The following KIAA1549 variants were observed in gnomAD, a reference collection of about 807,000 sequenced individuals.
KIAA1549 encodes UPF0606 protein KIAA1549.
Under a neutral mutation model 156.4 loss-of-function variants are expected in KIAA1549, and 70 were observed. That is an observed-to-expected ratio of 0.45 (90% CI 0.37 to 0.55). The LOEUF is 0.55. KIAA1549 is among the 20% of genes least tolerant of loss of function. The pLI is 0.00. For missense variants in KIAA1549, 2,428 were observed against 2,540.9 expected (o/e 0.96, Z 0.96); for synonymous variants, 1,103 against 1,066.4 (o/e 1.03, Z -0.67).
chr7:138,934,016 T>C (rs185837965), intron 1 of KIAA1549, among the ~76,000 whole-genome samples: 216 of 152,184 alleles, frequency 1.4e-3, no homozygotes, highest in African/African-American at 5.0e-3. Context: ...AAAATAAAAA[T>C]AACTCAGGTT....
At chr7:138,927,890 G>C (rs1402762061) in intron 1 of KIAA1549, among the ~76,000 whole-genome samples, 3 of 151,812 alleles carry the variant, frequency 2.0e-5, no homozygotes, top group African/African-American at 7.3e-5. Context: ...AATATCTGCG[G>C]GCCACTCATG....
Position 138,837,619 on chromosome 7 carries a change from T to G in KIAA1549, c.*287A>C. 1 of 535,310 alleles carries G rather than the reference T, an allele frequency of 1.9e-6. No homozygotes were observed. 33.2% of individuals were successfully genotyped at this position (535,310 alleles called of 1,614,324 possible). Reference sequence around the variant, plus strand: ...TTTAAAAAAGAGACGAATGCAGTCATTTTGTTAGCTTAGGTTTGTGTTTTG... The same window carrying G: ...TTTAAAAAAGAGACGAATGCAGTCAGTTTGTTAGCTTAGGTTTGTGTTTTG... On this transcript the variant is annotated 3_prime_UTR_variant, in exon 20 of 20. Coordinates refer to ENST00000422774, the MANE Select transcript of KIAA1549 (RefSeq NM_001164665.2).
rs753589792 is a variant in KIAA1549 at position 138,881,504 on chromosome 7, A to C, written c.4113T>G (p.Ile1371Met). The change falls in exon 11 of 20, where the codon ATT becomes ATG. Residue 1371 changes from isoleucine (I) to methionine (M), a missense_variant. By Grantham distance (10) the Ile-to-Met change is conservative. This residue lies in a region of KIAA1549 where 762 missense variants were observed against 901.6 expected (regional missense o/e 0.85). Coordinates refer to ENST00000422774, the MANE Select transcript of KIAA1549 (RefSeq NM_001164665.2). ...GQHNKDDILI[I>M]HEPAPLPGPL... Reference sequence around the variant, plus strand: ...GTCCTGGCAGTGGCGCTGGCTCATGAATAATCAATATGTCGTCTTTATTGT... The same window carrying C: ...GTCCTGGCAGTGGCGCTGGCTCATGCATAATCAATATGTCGTCTTTATTGT... 1 of 1,614,040 alleles carries C rather than the reference A, an allele frequency of 6.2e-7. No homozygotes were observed. Among genetic ancestry groups the C allele is most frequent in the African/African-American group, 1.3e-5 (1 of 75,072 alleles).
At chr7:138,968,949 G>T (rs887333915) in intron 1 of KIAA1549, among the ~76,000 whole-genome samples, 2 of 150,522 alleles carry the variant, frequency 1.3e-5, no homozygotes, top group African/African-American at 2.4e-5. Flanking sequence ...CTTTATTTTA[G>T]GTTTGGGGTG....
Position 138,917,989 on chromosome 7 carries a change from G to A in KIAA1549, c.1637C>T (p.Thr546Ile). The A allele has an allele frequency of 6.3e-6, 10 of 1,597,906 alleles. No homozygotes were observed. The highest frequency in any genetic ancestry group is 8.5e-6 in the Non-Finnish European group (10 of 1,172,204). The stretch of plus-strand genomic sequence containing the variant: ...GGTCACGCTGGATGGCGTCACTTGG[G>A]TTTCAGCAACAGACAAGGAGCCAGC... ...PTAGSLSVAETQVTPSSVTTA... is the reference protein window; with the variant it reads ...PTAGSLSVAEIQVTPSSVTTA... The change falls in exon 2 of 20, where the codon ACC becomes ATC. Residue 546 changes from threonine (T) to isoleucine (I), a missense_variant. Coordinates refer to ENST00000422774, the MANE Select transcript of KIAA1549 (RefSeq NM_001164665.2).
At chr7:138,884,427 C>T (rs6947262) in intron 10 of KIAA1549, among the ~76,000 whole-genome samples, 50,179 of 151,918 alleles carry the variant, frequency 0.33, 8,713 homozygotes, top group African/African-American at 0.44. Flanking sequence ...AGGTGGGACA[C>T]GCATCATTAC....
intron 1 of KIAA1549, among the ~76,000 whole-genome samples, chr7:138,925,910 T>C (rs1410312934): frequency 6.7e-6 from 1 of 150,278 alleles, no homozygotes; most frequent in East Asian, 2.0e-4. Context: ...TGCTAAATTC[T>C]GTTACTAAAA....
chr7:138,952,916 C>A (rs1813542114), intron 1 of KIAA1549, among the ~76,000 whole-genome samples: 1 of 152,226 alleles, frequency 6.6e-6, no homozygotes. Context: ...TGAGTCTAGA[C>A]TGAATATTCA....
At chr7:138,875,694 A>G (rs1039033520) in intron 12 of KIAA1549, among the ~76,000 whole-genome samples, 4 of 152,252 alleles carry the variant, frequency 2.6e-5, no homozygotes, top group African/African-American at 9.6e-5. Context: ...TCAACAAAGC[A>G]GAATGAAAGA....
chr7:138,881,753 G>A (rs567907298), intron 10 of KIAA1549, among the ~76,000 whole-genome samples, 169 bp from the exon 11 acceptor site: 1 of 152,314 alleles, frequency 6.6e-6, no homozygotes, highest in African/African-American at 2.4e-5. Flanking sequence ...AGAGTTCCAG[G>A]AGAAGACAGG....
chr7:138,867,845 A>G (rs1484556568), intron 15 of KIAA1549, 130 bp downstream of exon 15: 6 of 978,466 alleles, frequency 6.1e-6, no homozygotes, highest in Non-Finnish European at 7.5e-6. Context: ...CTGGTGCATC[A>G]GCCATCAGGC....
In KIAA1549 at chr7:138,899,068, T is replaced by G. The variant is rs1811768999; in HGVS notation, c.3734A>C (p.Asp1245Ala). 1.2e-6 allele frequency: 2 copies of G among 1,613,792 alleles called. No individual in the cohort carries two copies. Among genetic ancestry groups the G allele is most frequent in the Non-Finnish European group, 1.7e-6 (2 of 1,179,752 alleles). ...TGCACTGAGTCTTTCTCCATCTTGA[T>G]CCTCCACAAAGTAGATGAGCTGTAC... ...NPVQLIYFVE[D>A]QDGERLSAVK... Residue 1245 changes from aspartate (D) to alanine (A), a missense_variant, in exon 9 of 20, where the codon GAT becomes GCT. By Grantham distance (126) the Asp-to-Ala change is moderately radical. Around this residue, in one of 5 missense-constraint regions of KIAA1549, gnomAD observed 762 missense variants for 901.6 expected, o/e 0.85. Coordinates refer to ENST00000422774, the MANE Select transcript of KIAA1549 (RefSeq NM_001164665.2).
intron 1 of KIAA1549, among the ~76,000 whole-genome samples, chr7:138,940,086 A>C (rs1352151280): frequency 6.6e-6 from 1 of 152,188 alleles, no homozygotes; most frequent in East Asian, 1.9e-4. Flanking sequence ...ACATATGTAT[A>C]CATGTGCCAG....
chr7:138,912,369 C>T lies in KIAA1549; in HGVS notation c.2967+3G>A, dbSNP rs112148209. 21 of 1,612,732 alleles carry T rather than the reference C, an allele frequency of 1.3e-5. No individual in the cohort carries two copies. In the African/African-American group the frequency reaches 1.7e-4, roughly 13 times the overall value. On this transcript the variant is annotated splice_donor_region_variant and intron_variant, in intron 3 of 19. Coordinates refer to ENST00000422774, the MANE Select transcript of KIAA1549 (RefSeq NM_001164665.2). ...ATCACACTCCTGAGCCACCAGGACT[C>T]ACCTTCAGTTCCACTGCACGGTTGA...
intron 15 of KIAA1549, among the ~76,000 whole-genome samples, chr7:138,866,468 C>T (rs1810744435): frequency 6.6e-6 from 1 of 152,220 alleles, no homozygotes; most frequent in Non-Finnish European, 1.5e-5. Flanking sequence ...AATCCCTTCT[C>T]AAAGGCTGTG....
intron 1 of KIAA1549, among the ~76,000 whole-genome samples, chr7:138,932,641 G>A (rs1812903899): frequency 6.6e-6 from 1 of 152,184 alleles, no homozygotes; most frequent in Admixed American, 6.5e-5. Flanking sequence ...TCAGTTATGA[G>A]GTCACTAGAG....
intron 10 of KIAA1549, among the ~76,000 whole-genome samples, chr7:138,887,870 C>G (rs1811442664): frequency 6.6e-6 from 1 of 152,182 alleles, no homozygotes; most frequent in Non-Finnish European, 1.5e-5. Flanking sequence ...GCAGCAGCAG[C>G]AGCAGCAGCA....
chr7:138,864,140 C>T (rs570695332), intron 15 of KIAA1549, among the ~76,000 whole-genome samples: 44 of 152,272 alleles, frequency 2.9e-4, no homozygotes, highest in African/African-American at 8.7e-4. Context: ...GCGGTGATTC[C>T]GGTGGCTGCG....
At chr7:138,935,191 T>TA (rs146992278) in intron 1 of KIAA1549, among the ~76,000 whole-genome samples, 1,745 of 152,318 alleles carry the variant, frequency 0.011, 32 homozygotes, top group African/African-American at 0.04. Context: ...GCAAGGCTTT[T>TA]AAAAATTCAA....
Sources: allele counts gnomAD v4.1 joint callset (sites outside exome capture counted in the v4.1 genomes callset), GRCh38; gene constraint gnomAD v4.1.1; regional missense constraint gnomAD v4.1.1; transcripts MANE v1.5; gene names NCBI Gene and HGNC (gene_info 2026-07-23, HGNC 2026-07-21).